Variants in NEK7 observed in about 807,000 individuals in gnomAD.
NEK7 encodes the protein serine/threonine-protein kinase Nek7.
NEK7 carries 18 observed loss-of-function variants against 44.6 expected under a neutral mutation model. That is an observed-to-expected ratio of 0.40 (90% CI 0.28 to 0.60). The LOEUF (loss-of-function observed/expected upper bound fraction) is 0.60, where lower values mean the gene tolerates loss of function less well. Among genes scored for constraint, NEK7 ranks in the 20% least tolerant of loss-of-function variants. The pLI is 0.38. For synonymous variants in NEK7, 130 were observed against 121.1 expected, an observed-to-expected ratio of 1.07 and a Z score of -0.48; for missense variants, 256 against 366.5, an observed-to-expected ratio of 0.70 and a Z score of 2.46.
At chr1:198,229,237 C>G (rs1666316101) in intron 1 of NEK7, among the ~76,000 whole-genome samples, 1 of 152,174 alleles carries the variant, frequency 6.6e-6, no homozygotes, top group South Asian at 2.1e-4. Context: ...GATAGCTGAA[C>G]ACATTGGAGG....
chr1:198,185,394 T>C (rs1664891805), intron 1 of NEK7, among the ~76,000 whole-genome samples: 1 of 151,874 alleles, frequency 6.6e-6, no homozygotes, highest in African/African-American at 2.4e-5. Flanking sequence ...GCGTAAGAAA[T>C]ATATATATAT....
intron 3 of NEK7, among the ~76,000 whole-genome samples, chr1:198,255,242 A>G (rs1317258514): frequency 6.6e-6 from 1 of 152,156 alleles, no homozygotes; most frequent in Non-Finnish European, 1.5e-5. Flanking sequence ...AAGTAGAGTA[A>G]CAATCTTCAA....
At chr1:198,273,347 C>A (rs1009702279) in intron 5 of NEK7, among the ~76,000 whole-genome samples, 3 of 151,518 alleles carry the variant, frequency 2.0e-5, no homozygotes, top group African/African-American at 7.3e-5. Flanking sequence ...ATATAATTTC[C>A]CACAATTATG....
Position 198,297,203 on chromosome 1 carries a change from A to C in NEK7, c.761A>C (p.Asp254Ala), listed in dbSNP as rs148698699. The C allele has an allele frequency of 1.2e-5, 19 of 1,613,654 alleles. No homozygotes were observed. The highest frequency in any genetic ancestry group is 1.6e-5 in the Non-Finnish European group (19 of 1,179,730). Residue 254 changes from aspartate to alanine, a missense_variant, in exon 9 of 10, where the codon GAC (aspartate) becomes GCC (alanine). Asp to Ala is a moderately radical substitution (Grantham distance 126). Transcript: ENST00000367385. ...YSLCKKIEQC[D>A]YPPLPSDHYS... ...CTGTGTAAGAAGATAGAACAGTGTG[A>C]CTACCCACCTCTTCCTTCAGATCAC...
intron 7 of NEK7, among the ~76,000 whole-genome samples, chr1:198,283,390 G>A (rs1342724089): frequency 2.0e-5 from 3 of 152,058 alleles, no homozygotes; most frequent in Non-Finnish European, 4.4e-5. Context: ...ACTGAGCAGA[G>A]TACACCACAT....
At chr1:198,209,108 CAT>C (rs1553249850) in intron 1 of NEK7, among the ~76,000 whole-genome samples, 10 of 146,472 alleles carry the variant, frequency 6.8e-5, no homozygotes, top group African/African-American at 1.3e-4. Flanking sequence ...TGTACACACA[CAT>C]GTAATATACA....
intron 5 of NEK7, among the ~76,000 whole-genome samples, chr1:198,266,205 TATCTA>T (rs914074688): frequency 2.0e-5 from 3 of 152,140 alleles, no homozygotes; most frequent in African/African-American, 7.2e-5. Flanking sequence ...TACAAAGCCT[TATCTA>T]CATCAATACA....
intron 9 of NEK7, among the ~76,000 whole-genome samples, chr1:198,307,917 TA>T (rs1408107513): frequency 6.6e-6 from 1 of 152,038 alleles, no homozygotes. Flanking sequence ...TAGGTAAAAG[TA>T]AAAGTAAACA....
At chr1:198,168,576 A>G (rs1664336457) in intron 1 of NEK7, among the ~76,000 whole-genome samples, 1 of 152,336 alleles carries the variant, frequency 6.6e-6, no homozygotes, top group East Asian at 1.9e-4. Context: ...CCTTCTCTGA[A>G]CTTGGGAGGC....
intron 1 of NEK7, among the ~76,000 whole-genome samples, chr1:198,162,602 G>C (rs1013466781): frequency 6.6e-6 from 1 of 151,958 alleles, no homozygotes; most frequent in Admixed American, 6.6e-5. Context: ...GACCTTCAGG[G>C]GTGGGAAACA....
intron 3 of NEK7, among the ~76,000 whole-genome samples, chr1:198,260,677 T>G (rs1653432975): frequency 6.6e-6 from 1 of 152,094 alleles, no homozygotes; most frequent in Non-Finnish European, 1.5e-5. Context: ...AAGGTAAGGC[T>G]TTATATTTTT....
intron 3 of NEK7, among the ~76,000 whole-genome samples, chr1:198,259,502 A>G (rs1481482605): frequency 1.3e-5 from 2 of 152,160 alleles, no homozygotes; most frequent in Non-Finnish European, 2.9e-5. Flanking sequence ...GCTTTCCAGT[A>G]TATCTTTGAT....
chr1:198,231,399 G>T (rs1666395510), intron 1 of NEK7, among the ~76,000 whole-genome samples: 1 of 146,088 alleles, frequency 6.8e-6, no homozygotes. Context: ...GTGTGGTAAA[G>T]GATAATTTTT....
intron 1 of NEK7, among the ~76,000 whole-genome samples, chr1:198,169,802 G>T (rs1326579936): frequency 6.6e-6 from 1 of 152,174 alleles, no homozygotes; most frequent in Non-Finnish European, 1.5e-5. Flanking sequence ...TACTTATTGA[G>T]TCTTGTTGTA....
intron 1 of NEK7, among the ~76,000 whole-genome samples, chr1:198,185,556 A>C (rs1664896921): frequency 6.6e-6 from 1 of 152,138 alleles, no homozygotes; most frequent in African/African-American, 2.4e-5. Context: ...AATATTTTAA[A>C]AATTAGAAAT....
chr1:198,219,358 A>G (rs1309511039), intron 1 of NEK7, among the ~76,000 whole-genome samples: 2 of 151,226 alleles, frequency 1.3e-5, no homozygotes, highest in African/African-American at 4.8e-5. Context: ...GTGTGTGTGT[A>G]GAATACTACT....
chr1:198,266,445 C>G (rs555625290), intron 5 of NEK7, among the ~76,000 whole-genome samples: 15 of 152,058 alleles, frequency 9.9e-5, no homozygotes, highest in Admixed American at 9.8e-4. Context: ...TTTTGGAACT[C>G]ATCATCCAGT....
intron 1 of NEK7, among the ~76,000 whole-genome samples, chr1:198,176,011 G>A (rs910194359): frequency 3.3e-5 from 5 of 152,132 alleles, no homozygotes; most frequent in African/African-American, 1.2e-4. Context: ...TAGAGGGGAG[G>A]GAACTGAGAC....
intron 1 of NEK7, among the ~76,000 whole-genome samples, chr1:198,196,698 A>G (rs2102780321): frequency 6.6e-6 from 1 of 152,346 alleles, no homozygotes; most frequent in East Asian, 1.9e-4. Flanking sequence ...GCTGGGAGAA[A>G]GGAGGGAAGG....
Sources: allele counts gnomAD v4.1 joint callset (sites outside exome capture counted in the v4.1 genomes callset), GRCh38; gene constraint gnomAD v4.1.1; transcripts MANE v1.5; gene names NCBI Gene and HGNC (gene_info 2026-07-23, HGNC 2026-07-21).